Variants in SBF2 observed in about 807,000 individuals in gnomAD.
SBF2 encodes the protein SET binding factor 2.
In SBF2, 112 loss-of-function variants were observed where a neutral mutation model predicts 225.2. That is an observed-to-expected ratio of 0.50 (90% CI 0.43 to 0.58). SBF2 has a LOEUF of 0.58. Among genes scored for constraint, SBF2 ranks in the 20% least tolerant of loss-of-function variants. The pLI, the probability that SBF2 is intolerant of heterozygous loss-of-function variation, is 0.00. For missense variants in SBF2, 1,996 were observed against 2,206.2 expected, an observed-to-expected ratio of 0.90 and a Z score of 1.91; for synonymous variants, 763 against 773.3, an observed-to-expected ratio of 0.99 and a Z score of 0.22.
intron 28 of SBF2, among the ~76,000 whole-genome samples, chr11:9,829,128 A>G (rs1175583025): frequency 6.6e-6 from 1 of 152,190 alleles, no homozygotes; most frequent in Admixed American, 6.5e-5. Context: ...AGAAAATAAA[A>G]CAAAAAAGAA....
At chr11:9,852,608 A>T (rs1857035663) in intron 21 of SBF2, 68 bp downstream of exon 21, 1 of 1,130,076 alleles carries the variant, frequency 8.8e-7, no homozygotes, top group Admixed American at 1.7e-5. Flanking sequence ...CTTTCCTGGC[A>T]CACAGCAGTC....
intron 17 of SBF2, among the ~76,000 whole-genome samples, chr11:9,860,999 C>A (rs1857688219): frequency 6.6e-6 from 1 of 152,160 alleles, no homozygotes; most frequent in Admixed American, 6.5e-5. Context: ...CTTTCCTTGG[C>A]ACATTTGAGT....
chr11:9,997,505 G>A (rs111810466), intron 9 of SBF2, among the ~76,000 whole-genome samples: 7,908 of 152,260 alleles, frequency 0.052, 298 homozygotes, highest in Middle Eastern at 0.17. Context: ...TGGGCCGGGC[G>A]CGGTGGCTCA....
intron 2 of SBF2, among the ~76,000 whole-genome samples, chr11:10,121,494 T>G (rs1186104339): frequency 1.3e-5 from 2 of 152,186 alleles, no homozygotes; most frequent in African/African-American, 2.4e-5. Flanking sequence ...CACCACCACA[T>G]GGTAAGGAGG....
chr11:9,857,960 T>A lies in SBF2; in HGVS notation c.2100+266A>T, dbSNP rs1857438075. Among the ~76,000 whole-genome samples the A allele has an allele frequency of 2.0e-5, 3 of 152,246 alleles. No homozygotes were observed. In the South Asian group the frequency reaches 6.2e-4, roughly 31 times the overall value. On this transcript the variant is annotated intron_variant, in intron 18 of 39. Coordinates refer to ENST00000256190, the MANE Select transcript of SBF2 (RefSeq NM_030962.4). ...GTTATTTTAGGTTTGTTCTTTCTAT[T>A]CAACTTCCTATAGTCATTTCCAGGA...
intron 2 of SBF2, among the ~76,000 whole-genome samples, chr11:10,047,167 G>C (rs929318374): frequency 6.6e-6 from 1 of 152,112 alleles, no homozygotes; most frequent in African/African-American, 2.4e-5. Flanking sequence ...TGGATAGGAA[G>C]ACTCAATACT....
At chr11:10,012,921 C>T (rs1367815222) in intron 6 of SBF2, among the ~76,000 whole-genome samples, 1 of 152,030 alleles carries the variant, frequency 6.6e-6, no homozygotes, top group African/African-American at 2.4e-5. Context: ...CCTGTGTTTG[C>T]ATGGTTCACT....
rs115766215 is a variant in SBF2, at chr11:9,807,683, G to A, written c.4443+317C>T. Among the ~76,000 whole-genome samples the A allele has an allele frequency of 3.3e-3, 502 of 152,310 alleles. 3 individuals carry two copies. Among genetic ancestry groups the A allele is most frequent in the African/African-American group, 0.012 (480 of 41,574 alleles). On this transcript the variant is annotated intron_variant, in intron 32 of 39. Coordinates refer to ENST00000256190, the MANE Select transcript of SBF2 (RefSeq NM_030962.4). ...GACCATGTGCTCGATTTCAGGACCC[G>A]TATTACCTAGAGATTTTGTTCTTAG...
chr11:10,143,377 G>A (rs1279476286), intron 2 of SBF2, among the ~76,000 whole-genome samples: 3 of 152,038 alleles, frequency 2.0e-5, no homozygotes, highest in Admixed American at 6.6e-5. Flanking sequence ...TCACCATGTT[G>A]GTCAGGCTGG....
intron 6 of SBF2, among the ~76,000 whole-genome samples, chr11:10,027,731 T>A (rs182467870): frequency 1.3e-5 from 2 of 152,164 alleles, no homozygotes; most frequent in African/African-American, 4.8e-5. Flanking sequence ...ATGTAAAAGC[T>A]GTCCAAGGTA....
intron 20 of SBF2, 144 bp from the exon 21 acceptor site, chr11:9,852,893 T>C (rs1857057874): frequency 1.4e-6 from 1 of 706,760 alleles, no homozygotes; most frequent in Admixed American, 2.0e-5. Context: ...GACCCAGCAA[T>C]TCCACTTCTA....
chr11:10,089,257 A>C (rs1951689637), intron 2 of SBF2, among the ~76,000 whole-genome samples: 1 of 152,184 alleles, frequency 6.6e-6, no homozygotes, highest in South Asian at 2.1e-4. Context: ...CCATATATAC[A>C]CCTTGAGGTA....
chr11:9,885,202 G>A (rs1044887363), intron 17 of SBF2, among the ~76,000 whole-genome samples: 1 of 122,884 alleles, frequency 8.1e-6, no homozygotes, highest in African/African-American at 3.1e-5. Context: ...AGTGAGCTCA[G>A]ATTGCACCAC....
intron 16 of SBF2, among the ~76,000 whole-genome samples, chr11:9,937,860 A>G (rs1565031441): frequency 6.6e-6 from 1 of 152,208 alleles, no homozygotes; most frequent in Admixed American, 6.5e-5. Flanking sequence ...TTCACTCACA[A>G]TATCAGTATA....
chr11:9,967,601 G>GTGAGGTTTCT (rs1867008327), intron 14 of SBF2, among the ~76,000 whole-genome samples: 1 of 152,040 alleles, frequency 6.6e-6, no homozygotes, highest in African/African-American at 2.4e-5. Context: ...GCTAATAGGT[G>GTGAGGTTTCT]TGAGGTTTCT....
intron 16 of SBF2, among the ~76,000 whole-genome samples, chr11:9,953,587 C>A (rs2134333001): frequency 6.6e-6 from 1 of 152,258 alleles, no homozygotes; most frequent in Admixed American, 6.5e-5. Context: ...TTACTTTATT[C>A]TTTTTCCAAT....
chr11:10,090,647 C>G (rs573423413), intron 2 of SBF2, among the ~76,000 whole-genome samples: 2 of 151,766 alleles, frequency 1.3e-5, no homozygotes, highest in Admixed American at 6.6e-5. Flanking sequence ...CGCCTGTAGT[C>G]CCAGCTACTC....
intron 16 of SBF2, among the ~76,000 whole-genome samples, chr11:9,908,487 C>T (rs111464270): frequency 0.015 from 2,268 of 152,146 alleles, 46 homozygotes; most frequent in African/African-American, 0.051. Flanking sequence ...ATTAGCCAGG[C>T]GTGGTGGCGG....
chr11:9,854,061 C>T (rs2133993874), intron 19 of SBF2, among the ~76,000 whole-genome samples: 1 of 152,296 alleles, frequency 6.6e-6, no homozygotes, highest in Middle Eastern at 3.4e-3. Context: ...CTACCTGGGC[C>T]TTCTAAAGCA....
Sources: allele counts gnomAD v4.1 joint callset (sites outside exome capture counted in the v4.1 genomes callset), GRCh38; gene constraint gnomAD v4.1.1; transcripts MANE v1.5; gene names NCBI Gene and HGNC (gene_info 2026-07-23, HGNC 2026-07-21).